YIPF6: variants seen among roughly 807,000 people sequenced by gnomAD.
YIPF6 encodes the protein protein YIPF6.
YIPF6 carries 3 observed loss-of-function variants against 16.8 expected under a neutral mutation model. That is an observed-to-expected ratio of 0.18 (90% CI 0.08 to 0.46). YIPF6 has a LOEUF of 0.46. Ranked by LOEUF, YIPF6 falls within the 20% of genes least tolerant of loss-of-function variation. The pLI is 0.98. For synonymous variants in YIPF6, 67 were observed against 61.9 expected (o/e 1.08, Z -0.38); for missense variants, 145 against 184.9 (o/e 0.78, Z 1.25).
In YIPF6 at chrX:68,508,097, G is replaced by C. The variant is rs754665877; in HGVS notation, c.58-3752G>C. 2.1e-3 allele frequency among the ~76,000 whole-genome samples: 224 copies of C among 107,923 alleles called. 2 individuals carry two copies. Among genetic ancestry groups the C allele is most frequent in the African/African-American group, 7.2e-3 (216 of 29,817 alleles). The allele number at this position is 107,923 out of a possible 115,157, so 93.7% of individuals were successfully genotyped here. A position where few individuals can be genotyped will look rare whatever the true frequency, so the allele number is the denominator to read the frequency against. ...TGTCATTTGATGTCTCATTATTTTT[G>C]GAAAATTCTCAGCTATTCTTTTTTT... On this transcript the variant is annotated intron_variant, in intron 1 of 6. Transcript: ENST00000462683.
chrX:68,528,206 T>A (rs958412454), intron 6 of YIPF6, among the ~76,000 whole-genome samples: 3 of 111,998 alleles, frequency 2.7e-5, no homozygotes, highest in Non-Finnish European at 3.8e-5. Context: ...TTAGCTCTTC[T>A]TGTTGCATTG....
chrX:68,529,413 A>G (rs1356080341), intron 6 of YIPF6, among the ~76,000 whole-genome samples: 1 of 110,484 alleles, frequency 9.1e-6, no homozygotes, highest in Non-Finnish European at 1.9e-5. Context: ...CTTGCATTGC[A>G]TTAGAACATG....
intron 6 of YIPF6, among the ~76,000 whole-genome samples, chrX:68,524,055 C>T (rs766251737): frequency 9.0e-6 from 1 of 111,561 alleles, no homozygotes; most frequent in Non-Finnish European, 1.9e-5. Flanking sequence ...ACAGAGCAGC[C>T]CGACGTGAAA....
chrX:68,514,328 A>T (rs1236621839), intron 3 of YIPF6: 2 of 109,592 alleles, frequency 1.8e-5, no homozygotes, highest in African/African-American at 6.6e-5. Context: ...TACAATATTT[A>T]CATTTATTAC....
intron 1 of YIPF6, among the ~76,000 whole-genome samples, chrX:68,502,663 G>C (rs1445477745): frequency 9.0e-6 from 1 of 111,316 alleles, no homozygotes. Context: ...TATCCAACAG[G>C]CAGTTGGACT....
intron 1 of YIPF6, among the ~76,000 whole-genome samples, chrX:68,505,970 C>G (rs1202499315): frequency 9.0e-6 from 1 of 111,016 alleles, no homozygotes; most frequent in Non-Finnish European, 1.9e-5. Flanking sequence ...CACTTATGGC[C>G]TTTTTTGTTC....
intron 1 of YIPF6, 51 bp downstream of exon 1, chrX:68,499,174 C>T: frequency 8.8e-7 from 1 of 1,140,693 alleles, no homozygotes; most frequent in Non-Finnish European, 1.2e-6. Flanking sequence ...CAGAGTGCCC[C>T]CTAAAGAAGT....
At chrX:68,513,610 CAG>C (rs975435500) in intron 3 of YIPF6, 6 of 245,480 alleles carry the variant, frequency 2.4e-5, no homozygotes, top group African/African-American at 8.9e-5. Context: ...TTTTTTGAGA[CAG>C]AGTCTCACTC....
At chrX:68,501,761 G>T (rs955317014) in intron 1 of YIPF6, among the ~76,000 whole-genome samples, 1 of 111,867 alleles carries the variant, frequency 8.9e-6, no homozygotes, top group African/African-American at 3.3e-5. Context: ...GAAGCACAGA[G>T]AATTATTAGG....
chrX:68,502,487 A>G (rs1305441075), intron 1 of YIPF6, among the ~76,000 whole-genome samples: 1 of 111,530 alleles, frequency 9.0e-6, no homozygotes, highest in East Asian at 2.8e-4. Context: ...TGCTGCTCCC[A>G]GTACCACATT....
Position 68,534,276 on chromosome X carries a change from C to T in YIPF6, c.*2277C>T, listed in dbSNP as rs747017278. The T allele has an allele frequency of 9.0e-6, 1 of 111,318 alleles. No homozygotes were observed. The highest frequency in any genetic ancestry group is 1.9e-5 in the Non-Finnish European group (1 of 53,034). 9.2% of individuals were successfully genotyped at this position (111,318 alleles called of 1,213,427 possible). ...ACAAAAGACATTGTTCTATTTATAG[C>T]ATTCTTTTTTTTTTTTAGTAGCGGT... is the stretch of plus-strand genomic sequence containing the variant. On this transcript the variant is annotated 3_prime_UTR_variant, in exon 7 of 7. Transcript: ENST00000462683.
chrX:68,503,362 G>A (rs1050766383), intron 1 of YIPF6, among the ~76,000 whole-genome samples: 4 of 112,107 alleles, frequency 3.6e-5, no homozygotes, highest in Admixed American at 1.9e-4. Context: ...GTTCATGTGT[G>A]TTTCTGTGAG....
chrX:68,499,526 T>G (rs1007009046), intron 1 of YIPF6, among the ~76,000 whole-genome samples: 3 of 112,389 alleles, frequency 2.7e-5, no homozygotes, highest in African/African-American at 9.7e-5. Flanking sequence ...ATTAACGTTT[T>G]GTTGCTTATA....
chrX:68,518,923 C>A, intron 4 of YIPF6, 111 bp downstream of exon 4: 1 of 686,147 alleles, frequency 1.5e-6, no homozygotes, highest in Non-Finnish European at 2.1e-6. Context: ...ACTTATATGA[C>A]ATGTTGTACA....
intron 4 of YIPF6, among the ~76,000 whole-genome samples, chrX:68,520,020 A>G (rs936995386): frequency 8.9e-6 from 1 of 112,364 alleles, no homozygotes; most frequent in Non-Finnish European, 1.9e-5. Context: ...AATTAGGATC[A>G]GTATCTGGGT....
At chrX:68,524,082 G>A (rs2079137620) in intron 6 of YIPF6, among the ~76,000 whole-genome samples, 2 of 111,781 alleles carry the variant, frequency 1.8e-5, no homozygotes, top group African/African-American at 6.5e-5. Context: ...AAAGGCAATA[G>A]GTGTTCTAAG....
chrX:68,536,150 C>T lies in YIPF6; in HGVS notation c.*4151C>T, dbSNP rs976119920. On this transcript the variant is annotated 3_prime_UTR_variant, in exon 7 of 7. Transcript: ENST00000462683. Reference sequence around the variant, plus strand: ...TTTAGTATATTCACACACAAAATTGCACAACTATCACTAACATCTAATTTT... The same window carrying T: ...TTTAGTATATTCACACACAAAATTGTACAACTATCACTAACATCTAATTTT... The T allele has an allele frequency of 1.8e-5, 2 of 111,497 alleles. No homozygotes were observed. The highest frequency in any genetic ancestry group is 6.5e-5 in the African/African-American group (2 of 30,673). 9.2% of individuals were successfully genotyped at this position (111,497 alleles called of 1,213,427 possible). A position where few individuals can be genotyped will look rare whatever the true frequency, so the allele number is the denominator to read the frequency against.
Position 68,535,239 on chromosome X carries a change from C to A in YIPF6, c.*3240C>A, listed in dbSNP as rs2079187079. On this transcript the variant is annotated 3_prime_UTR_variant, in exon 7 of 7. Coordinates refer to ENST00000462683, the MANE Select transcript of YIPF6 (RefSeq NM_173834.4). ...GCATTTTACTGTTTACTATATTTGTCTTTTTATAAACAGTATCTCCCAAAA... is the reference window on the plus strand; with the variant it reads ...GCATTTTACTGTTTACTATATTTGTATTTTTATAAACAGTATCTCCCAAAA... The A allele has an allele frequency of 8.9e-6, 1 of 112,217 alleles. No individual in the cohort carries two copies. The highest frequency in any genetic ancestry group is 3.7e-4 in the South Asian group (1 of 2,736). 9.2% of individuals were successfully genotyped at this position (112,217 alleles called of 1,213,427 possible).
At chrX:68,504,756 C>A (rs1210018697) in intron 1 of YIPF6, among the ~76,000 whole-genome samples, 2 of 111,750 alleles carry the variant, frequency 1.8e-5, no homozygotes, top group South Asian at 3.7e-4. Flanking sequence ...ACCATTATCT[C>A]AATTTTACAG....
Sources: gnomAD v4.1 joint callset for allele counts (sites outside exome capture counted in the v4.1 genomes callset) on GRCh38, gnomAD v4.1.1 for gene constraint, MANE v1.5 for transcripts, NCBI Gene and HGNC (gene_info 2026-07-23, HGNC 2026-07-21) for gene names.